ZFHX4: variants seen among roughly 807,000 people sequenced by gnomAD.
ZFHX4 encodes zinc finger homeobox protein 4.
ZFHX4 carries 56 observed loss-of-function variants against 267.6 expected under a neutral mutation model. That is an observed-to-expected ratio of 0.21 (90% CI 0.17 to 0.26). ZFHX4 has a LOEUF of 0.26. Among genes scored for constraint, ZFHX4 ranks in the 10% least tolerant of loss-of-function variants. ZFHX4 has a pLI of 1.00. For synonymous variants in ZFHX4, 1,778 were observed against 1,665.6 expected (o/e 1.07, Z -1.64); for missense variants, 4,332 against 4,420.0 (o/e 0.98, Z 0.56).
At chr8:76,785,118 T>C (rs973559986) in intron 4 of ZFHX4, among the ~76,000 whole-genome samples, 15 of 152,070 alleles carry the variant, frequency 9.9e-5, no homozygotes, top group South Asian at 6.2e-4. Flanking sequence ...AAAATATAAT[T>C]AAATTTACAT....
intron 4 of ZFHX4, among the ~76,000 whole-genome samples, chr8:76,821,255 C>T (rs1434620748): frequency 2.0e-5 from 3 of 152,172 alleles, no homozygotes; most frequent in South Asian, 4.1e-4. Context: ...CCTAATGTTA[C>T]ATCTACCTTC....
chr8:76,687,917 A>G (rs1363667508), intron 1 of ZFHX4, among the ~76,000 whole-genome samples: 1 of 152,160 alleles, frequency 6.6e-6, no homozygotes, highest in Non-Finnish European at 1.5e-5. Context: ...AGATGAAAGG[A>G]AGATGAAAAT....
intron 4 of ZFHX4, among the ~76,000 whole-genome samples, chr8:76,797,956 T>A (rs1425352295): frequency 1.3e-5 from 2 of 151,740 alleles, no homozygotes; most frequent in Non-Finnish European, 2.9e-5. Flanking sequence ...ATTTAGCAGA[T>A]GTTTCCATAT....
chr8:76,783,348 T>C (rs1810602919), intron 4 of ZFHX4, among the ~76,000 whole-genome samples: 1 of 152,028 alleles, frequency 6.6e-6, no homozygotes, highest in Non-Finnish European at 1.5e-5. Context: ...TTTGCTCGGT[T>C]GCTTTCTGAT....
At chr8:76,804,429 A>G (rs796862286) in intron 4 of ZFHX4, among the ~76,000 whole-genome samples, 4 of 152,278 alleles carry the variant, frequency 2.6e-5, no homozygotes, top group African/African-American at 9.6e-5. Context: ...TAAACTGTTA[A>G]GGAATCAAAG....
intron 4 of ZFHX4, among the ~76,000 whole-genome samples, chr8:76,779,332 T>C (rs1467563067): frequency 6.6e-6 from 1 of 152,196 alleles, no homozygotes; most frequent in East Asian, 1.9e-4. Context: ...ATTTACTCAG[T>C]ACACCTTTAT....
At chr8:76,684,276 A>G (rs1271966786) in intron 1 of ZFHX4, among the ~76,000 whole-genome samples, 1 of 151,898 alleles carries the variant, frequency 6.6e-6, no homozygotes, top group Non-Finnish European at 1.5e-5. Flanking sequence ...CCTTAAGGGA[A>G]TATTTGATAG....
chr8:76,857,384 A>G (rs1306722303), intron 10 of ZFHX4, among the ~76,000 whole-genome samples: 1 of 147,802 alleles, frequency 6.8e-6, no homozygotes, highest in East Asian at 1.9e-4. Context: ...ATATATATCT[A>G]CATTTACAAA....
intron 1 of ZFHX4, among the ~76,000 whole-genome samples, chr8:76,689,152 C>CA (rs1464453838): frequency 2.0e-5 from 3 of 151,958 alleles, no homozygotes; most frequent in African/African-American, 2.4e-5. Context: ...CTTAAAAGAA[C>CA]AAAAAAATCC....
chr8:76,785,372 C>T (rs1312975372), intron 4 of ZFHX4, among the ~76,000 whole-genome samples: 1 of 151,984 alleles, frequency 6.6e-6, no homozygotes, highest in Non-Finnish European at 1.5e-5. Flanking sequence ...TGGATCTTCA[C>T]CCTATAATGG....
chr8:76,711,025 C>T (rs956336890), intron 3 of ZFHX4, among the ~76,000 whole-genome samples: 1 of 151,904 alleles, frequency 6.6e-6, no homozygotes, highest in African/African-American at 2.4e-5. Flanking sequence ...AACACCTTTC[C>T]TTTTATATTT....
intron 3 of ZFHX4, among the ~76,000 whole-genome samples, chr8:76,708,925 AG>A (rs1808350505): frequency 6.6e-6 from 1 of 152,190 alleles, no homozygotes; most frequent in Non-Finnish European, 1.5e-5. Context: ...TTTTGTCTAG[AG>A]GATATTAAAA....
intron 4 of ZFHX4, among the ~76,000 whole-genome samples, chr8:76,825,600 G>T (rs1811763655): frequency 6.6e-6 from 1 of 152,178 alleles, no homozygotes; most frequent in African/African-American, 2.4e-5. Context: ...ATAAATCTCA[G>T]ATAGTTAAGA....
rs1327481713 is a variant in ZFHX4, at chr8:76,851,066, A to C, written c.4145A>C (p.Gln1382Pro). ...CTGCAAGATCAATTAAATGAACAGC[A>C]AAAAAGGCAACCGCTCTCTGTTTCT... ...DTLQDQLNEQ[Q>P]KRQPLSVSDR... is the part of the protein sequence containing the mutation. Residue 1382 changes from glutamine (Q) to proline (P), a missense_variant, in exon 10 of 11, where the codon CAA (glutamine) becomes CCA (proline). By Grantham distance (76) the Gln-to-Pro change is moderately conservative. Coordinates refer to ENST00000651372, the MANE Select transcript of ZFHX4 (RefSeq NM_024721.5). 6.2e-7 allele frequency: 1 copy of C among 1,613,956 alleles called. No homozygotes were observed. Among genetic ancestry groups the C allele is most frequent in the Admixed American group, 1.7e-5 (1 of 60,018 alleles).
At chr8:76,814,450 G>A (rs1811452489) in intron 4 of ZFHX4, among the ~76,000 whole-genome samples, 1 of 151,996 alleles carries the variant, frequency 6.6e-6, no homozygotes, top group Non-Finnish European at 1.5e-5. Flanking sequence ...TGAGACCCAT[G>A]GACCCAGGAA....
At chr8:76,860,356 T>C (rs915872466) in intron 10 of ZFHX4, among the ~76,000 whole-genome samples, 5 of 152,084 alleles carry the variant, frequency 3.3e-5, no homozygotes, top group Admixed American at 2.6e-4. Flanking sequence ...GGGATTCCTA[T>C]TGCAGTCTTC....
chr8:76,851,499 G>T lies in ZFHX4; in HGVS notation c.4578G>T (p.Gly1526=). 6.2e-7 allele frequency: 1 copy of T among 1,613,858 alleles called. No homozygotes were observed. The highest frequency in any genetic ancestry group is 8.5e-7 in the Non-Finnish European group (1 of 1,179,850). Residue 1526 remains glycine, a synonymous_variant, in exon 10 of 11, where the codon GGG becomes GGT. Coordinates refer to ENST00000651372, the MANE Select transcript of ZFHX4 (RefSeq NM_024721.5). ...AGCGGACCTTACCTTTTAGAAAAGGGCCCAATTTTACGATGGAAAAATTCC... is the reference window on the plus strand; with the variant it reads ...AGCGGACCTTACCTTTTAGAAAAGGTCCCAATTTTACGATGGAAAAATTCC... ...EPKRTLPFRK[G]PNFTMEKFLD...
At chr8:76,683,908 A>G (rs1407674376) in intron 1 of ZFHX4, 1 of 151,842 alleles carries the variant, frequency 6.6e-6, no homozygotes, top group Non-Finnish European at 1.5e-5. Flanking sequence ...CGACAGTGAC[A>G]CGGGCATCGA....
intron 4 of ZFHX4, among the ~76,000 whole-genome samples, chr8:76,790,247 C>T (rs751767112): frequency 5.3e-5 from 8 of 152,162 alleles, no homozygotes; most frequent in South Asian, 2.1e-4. Flanking sequence ...ATACTTTAAA[C>T]GTATTAATTC....
Sources: allele counts gnomAD v4.1 joint callset (sites outside exome capture counted in the v4.1 genomes callset), GRCh38; gene constraint gnomAD v4.1.1; transcripts MANE v1.5; gene names NCBI Gene and HGNC (gene_info 2026-07-23, HGNC 2026-07-21).